STK3: variants seen among roughly 807,000 people sequenced by gnomAD.
STK3 encodes serine/threonine-protein kinase 3.
Under a neutral mutation model 58.0 loss-of-function variants are expected in STK3, and 41 were observed. The ratio of observed to expected loss-of-function variants is 0.71; its 90% CI spans 0.55 to 0.92. The LOEUF is 0.92. STK3 is among the 40% of genes least tolerant of loss of function. The pLI, the probability that STK3 is intolerant of heterozygous loss-of-function variation, is 0.00. For synonymous variants in STK3, 170 were observed against 191.0 expected, an observed-to-expected ratio of 0.89 and a Z score of 0.91; for missense variants, 479 against 602.7, an observed-to-expected ratio of 0.79 and a Z score of 2.15.
chr8:98,738,005 C>T (rs926881541), intron 4 of STK3, among the ~76,000 whole-genome samples: 23 of 151,922 alleles, frequency 1.5e-4, no homozygotes, highest in African/African-American at 5.3e-4. Flanking sequence ...CCACCGCACC[C>T]GGCCGAATGA....
chr8:98,721,008 C>T, intron 4 of STK3: 3 of 790,056 alleles, frequency 3.8e-6, no homozygotes, highest in African/African-American at 1.9e-5. Flanking sequence ...AAATTATTTT[C>T]AATGGTATGC....
intron 1 of STK3, among the ~76,000 whole-genome samples, chr8:98,915,432 C>CCATATATA (rs1554701843): frequency 1.1e-5 from 1 of 94,720 alleles, no homozygotes; most frequent in African/African-American, 5.6e-5. Flanking sequence ...ATAAACTTTC[C>CCATATATA]TATATATATA....
intron 9 of STK3, among the ~76,000 whole-genome samples, chr8:98,530,509 A>G (rs1260482303): frequency 6.6e-6 from 1 of 152,208 alleles, no homozygotes; most frequent in Non-Finnish European, 1.5e-5. Flanking sequence ...AGACCGAGGC[A>G]ACAGATAAAT....
At chr8:98,744,705 A>C (rs1259311119) in intron 4 of STK3, among the ~76,000 whole-genome samples, 1 of 152,044 alleles carries the variant, frequency 6.6e-6, no homozygotes, top group African/African-American at 2.4e-5. Flanking sequence ...CACATTGTGC[A>C]CATGTACCCT....
chr8:98,566,621 T>C (rs1471067814), intron 8 of STK3, among the ~76,000 whole-genome samples: 1 of 152,158 alleles, frequency 6.6e-6, no homozygotes, highest in African/African-American at 2.4e-5. Context: ...AATTTTTCAA[T>C]GGTCCAATGC....
intron 8 of STK3, among the ~76,000 whole-genome samples, chr8:98,569,275 C>G (rs573558642): frequency 6.6e-6 from 1 of 151,752 alleles, no homozygotes; most frequent in East Asian, 1.9e-4. Context: ...CAGGAAGCTA[C>G]TGGGAGATAT....
At chr8:98,529,392 G>A (rs1825985998) in intron 9 of STK3, among the ~76,000 whole-genome samples, 1 of 152,132 alleles carries the variant, frequency 6.6e-6, no homozygotes, top group South Asian at 2.1e-4. Flanking sequence ...GGAAGCCTAG[G>A]TGAGGCGGCT....
At chr8:98,704,377 A>G (rs1295230300) in intron 6 of STK3, among the ~76,000 whole-genome samples, 1 of 152,166 alleles carries the variant, frequency 6.6e-6, no homozygotes. Flanking sequence ...TAGGAAATAA[A>G]CTATATTATG....
At chr8:98,347,797 T>C in the STK3 span, among the ~76,000 whole-genome samples, 3 of 152,160 alleles carry the variant, frequency 2.0e-5, no homozygotes, top group Non-Finnish European at 2.9e-5. Context: ...GGTAATAGGA[T>C]GATAGAAAGA....
intron 9 of STK3, among the ~76,000 whole-genome samples, chr8:98,542,901 C>T (rs1057055378): frequency 1.3e-5 from 2 of 152,212 alleles, no homozygotes; most frequent in Admixed American, 6.5e-5. Context: ...ATCCCATGCT[C>T]TTCACTATAC....
At chr8:98,739,050 C>T (rs4323440) in intron 4 of STK3, among the ~76,000 whole-genome samples, 16,221 of 152,292 alleles carry the variant, frequency 0.11, 1,615 homozygotes, top group East Asian at 0.4. Context: ...GGGGCGCCCG[C>T]CATTGCCCAA....
At chr8:98,389,753 C>T (rs538053995), upstream of STK3, among the ~76,000 whole-genome samples, 10 of 149,278 alleles carry the variant, frequency 6.7e-5, no homozygotes, top group South Asian at 1.8e-3. Context: ...ATCTAGTGGC[C>T]ACCCCTAGAC....
intron 10 of STK3, among the ~76,000 whole-genome samples, chr8:98,477,689 T>C (rs1395408657): frequency 7.8e-5 from 1 of 12,756 alleles, no homozygotes; most frequent in Non-Finnish European, 1.6e-4. Context: ...CCTCGCATAA[T>C]CATCACACTT....
chr8:98,363,404 G>A, the STK3 span, among the ~76,000 whole-genome samples: 1 of 152,146 alleles, frequency 6.6e-6, no homozygotes, highest in Non-Finnish European at 1.5e-5. Flanking sequence ...GGAGTAGAAA[G>A]AGCAATGGAC....
intron 3 of STK3, among the ~76,000 whole-genome samples, chr8:98,858,488 C>T (rs1453665384): frequency 6.7e-6 from 1 of 149,864 alleles, no homozygotes; most frequent in African/African-American, 2.5e-5. Flanking sequence ...TTTAAACTCT[C>T]TCTTGTACCT....
chr8:98,611,025 C>G (rs1587004771), intron 6 of STK3, among the ~76,000 whole-genome samples: 1 of 152,174 alleles, frequency 6.6e-6, no homozygotes, highest in Admixed American at 6.5e-5. Flanking sequence ...GACTACAAAA[C>G]TTAAGCAGAT....
Position 98,711,692 on chromosome 8 carries a change from C to G in STK3, c.352-4381G>C, listed in dbSNP as rs201432118. Among the ~76,000 whole-genome samples, 13 of 152,206 alleles carry G rather than the reference C, an allele frequency of 8.5e-5. No individual in the cohort carries two copies. In the East Asian group the frequency reaches 2.1e-3, roughly 25 times the overall value. ...CTGAAAGTGATGGGGAGAATGAAAC[C>G]AAGTTGGAAAACACTCCGCAGGATA... is the stretch of plus-strand genomic sequence containing the variant. On this transcript the variant is annotated intron_variant, in intron 4 of 10. Transcript: ENST00000419617.
At chr8:98,453,127 A>G (rs57279757), downstream of STK3, among the ~76,000 whole-genome samples, 1 of 70,000 alleles carries the variant, frequency 1.4e-5, no homozygotes. Context: ...TCGCTCTGTC[A>G]CCCAGGCTGG....
chr8:98,452,815 C>T (rs1469133043), downstream of STK3, among the ~76,000 whole-genome samples: 1 of 144,790 alleles, frequency 6.9e-6, no homozygotes, highest in Non-Finnish European at 1.5e-5. Flanking sequence ...GGCTGGGGTG[C>T]AGTGGTGTGA....
Sources: allele counts gnomAD v4.1 joint callset (sites outside exome capture counted in the v4.1 genomes callset), GRCh38; gene constraint gnomAD v4.1.1; transcripts MANE v1.5; gene names NCBI Gene and HGNC (gene_info 2026-07-23, HGNC 2026-07-21).